The following SDHC variants were observed in gnomAD, a reference collection of about 807,000 sequenced individuals.
SDHC encodes succinate dehydrogenase complex subunit C, also known as succinate dehydrogenase cytochrome b560 subunit, mitochondrial.
In SDHC, 11 loss-of-function variants were observed where a neutral mutation model predicts 22.6. The ratio of observed to expected loss-of-function variants is 0.49; its 90% CI spans 0.31 to 0.81. The LOEUF is 0.81. SDHC is among the 30% of genes least tolerant of loss of function. The pLI, the probability that SDHC is intolerant of heterozygous loss-of-function variation, is 0.05. For missense variants in SDHC, 160 were observed against 212.0 expected, an observed-to-expected ratio of 0.75 and a Z score of 1.52; for synonymous variants, 80 against 77.8, an observed-to-expected ratio of 1.03 and a Z score of -0.15.
intron 2 of SDHC, among the ~76,000 whole-genome samples, chr1:161,324,396 A>T (rs951279093): frequency 2.6e-5 from 4 of 152,322 alleles, no homozygotes; most frequent in African/African-American, 9.6e-5. Flanking sequence ...TTGCACCTGG[A>T]CTTTCATGGT....
chr1:161,359,867 C>T (rs1179609046), intron 5 of SDHC, among the ~76,000 whole-genome samples: 1 of 152,052 alleles, frequency 6.6e-6, no homozygotes, highest in Admixed American at 6.6e-5. Flanking sequence ...CTGTGGCATT[C>T]TAGGGAATAT....
chr1:161,339,517 C>T, intron 3 of SDHC: 1 of 1,142,166 alleles, frequency 8.8e-7, no homozygotes, highest in Non-Finnish European at 1.2e-6. Context: ...CATGTTTCTC[C>T]TTGCGAAAGG....
chr1:161,358,853 G>A (rs1322586039), intron 5 of SDHC, among the ~76,000 whole-genome samples: 1 of 151,378 alleles, frequency 6.6e-6, no homozygotes, highest in Non-Finnish European at 1.5e-5. Flanking sequence ...TTGAACCCGG[G>A]AGGCAGAGGT....
intron 2 of SDHC, among the ~76,000 whole-genome samples, chr1:161,325,234 G>A (rs1472604286): frequency 6.6e-6 from 1 of 151,356 alleles, no homozygotes. Context: ...AAGATTGGAT[G>A]TGGTGGCTCA....
Sources: allele counts gnomAD v4.1 joint callset (sites outside exome capture counted in the v4.1 genomes callset), GRCh38; gene constraint gnomAD v4.1.1; transcripts MANE v1.5; gene names NCBI Gene and HGNC (gene_info 2026-07-23, HGNC 2026-07-21).